HUNK: variants seen among roughly 807,000 people sequenced by gnomAD.
HUNK encodes the protein hormonally up-regulated Neu-associated kinase.
A neutral mutation model predicts 61.0 loss-of-function variants in HUNK; 21 were observed. The observed-to-expected ratio is 0.34, with a 90% CI of 0.24 to 0.50. HUNK has a LOEUF of 0.50. Among genes scored for constraint, HUNK ranks in the 20% least tolerant of loss-of-function variants. The pLI is 0.98. For missense variants in HUNK, 772 were observed against 945.7 expected, an observed-to-expected ratio of 0.82 and a Z score of 2.41; for synonymous variants, 371 against 386.1, an observed-to-expected ratio of 0.96 and a Z score of 0.46.
rs746851498 is a variant in HUNK, at chr21:31,924,689, C to A, written c.483C>A (p.Ser161=). 1.2e-6 allele frequency: 2 copies of A among 1,613,992 alleles called. No individual in the cohort carries two copies. Among genetic ancestry groups the A allele is most frequent in the Non-Finnish European group, 1.7e-6 (2 of 1,180,010 alleles). Residue 161 remains serine (S), a synonymous_variant, in exon 2 of 11, where the codon TCC becomes TCA. Coordinates refer to ENST00000270112, the MANE Select transcript of HUNK (RefSeq NM_014586.2). The surrounding 1 kb of genome is among the most constrained non-coding windows in gnomAD (Gnocchi z 5.1). ...ATGAGAAGAAGCGGCTGGAGGAGTC[C>A]GAAGCCCGCAGATACATCCGACAGC... ...KIYEKKRLEE[S]EARRYIRQLI...
chr21:31,980,440 G>A (rs12710415), intron 7 of HUNK, among the ~76,000 whole-genome samples: 16,647 of 149,188 alleles, frequency 0.11, 1,287 homozygotes, highest in Non-Finnish European at 0.18. Flanking sequence ...GCAGTGGCGC[G>A]ATCTTGGCTC....
rs1199714720 is a variant in HUNK, at chr21:31,999,270, G to T, written c.*86G>T. The T allele has an allele frequency of 4.0e-6, 5 of 1,247,568 alleles. No homozygotes were observed. Among genetic ancestry groups the T allele is most frequent in the Admixed American group, 4.6e-5 (2 of 43,752 alleles). The allele number at this position is 1,247,568 out of a possible 1,614,324, so 77.3% of individuals were successfully genotyped here. A position where few individuals can be genotyped will look rare whatever the true frequency, so the allele number is the denominator to read the frequency against. On this transcript the variant is annotated 3_prime_UTR_variant, in exon 11 of 11. Coordinates refer to ENST00000270112, the MANE Select transcript of HUNK (RefSeq NM_014586.2). ...TCTGTCAGGGTGTGAGCACTCCAAG[G>T]CCTCGCGTGGAGCATCCTTAGTCCC... is the stretch of plus-strand genomic sequence containing the variant.
rs147047451 is a variant in HUNK, at chr21:31,896,184, G to C, written c.261+22249G>C. 7.2e-3 allele frequency among the ~76,000 whole-genome samples: 1,096 copies of C among 152,302 alleles called. 6 individuals carry two copies. The highest frequency in any genetic ancestry group is 0.011 in the Non-Finnish European group (746 of 68,022). ...GCCTCCAGAACTGTGAGAAAATACA[G>C]TTCTGTTGTTGGAGCTGCCCAGTCT... is the stretch of plus-strand genomic sequence containing the variant. On this transcript the variant is annotated intron_variant, in intron 1 of 10. Transcript: ENST00000270112.
intron 10 of HUNK, 65 bp downstream of exon 10, chr21:31,996,013 T>TA: frequency 3.3e-6 from 4 of 1,220,960 alleles, no homozygotes; most frequent in Non-Finnish European, 4.6e-6. Context: ...TGTGTAGCCC[T>TA]CACAGGGGAT....
intron 1 of HUNK, among the ~76,000 whole-genome samples, chr21:31,889,123 C>T (rs1224692840): frequency 6.6e-6 from 1 of 152,154 alleles, no homozygotes; most frequent in African/African-American, 2.4e-5. Context: ...CCAGTCTCCT[C>T]GTTAAACCAT....
rs769145120 is a variant in HUNK, at chr21:31,873,756, C to A, written c.82C>A (p.Pro28Thr). The A allele has an allele frequency of 4.1e-6, 6 of 1,469,706 alleles. No individual in the cohort carries two copies. Among genetic ancestry groups the A allele is most frequent in the Non-Finnish European group, 3.6e-6 (4 of 1,111,290 alleles). 91.0% of individuals were successfully genotyped at this position (1,469,706 alleles called of 1,614,324 possible). Reference sequence around the variant, plus strand: ...CGGCGGCGCGGAGGACGCGGCCAGGCCCGCGGCGGCCTGCGAGGGAAGTTT... The same window carrying A: ...CGGCGGCGCGGAGGACGCGGCCAGGACCGCGGCGGCCTGCGAGGGAAGTTT... ...GGGGAEDAAR[P>T]AAACEGSFLP... Residue 28 changes from proline (P) to threonine (T), a missense_variant, in exon 1 of 11, where the codon CCC becomes ACC. By Grantham distance (38) the Pro-to-Thr change is conservative. Coordinates refer to ENST00000270112, the MANE Select transcript of HUNK (RefSeq NM_014586.2). This position sits in a 1 kb window ranked among gnomAD's most constrained non-coding sequence, Gnocchi z 6.1.
intron 2 of HUNK, among the ~76,000 whole-genome samples, chr21:31,932,891 C>T (rs79995450): frequency 0.014 from 2,188 of 151,276 alleles, 41 homozygotes; most frequent in African/African-American, 0.05. Flanking sequence ...ACCAACCCAT[C>T]CTCCTGCGCT....
At chr21:31,958,668 C>T (rs2052906258) in intron 4 of HUNK, among the ~76,000 whole-genome samples, 175 bp from the exon 5 acceptor site, 1 of 152,144 alleles carries the variant, frequency 6.6e-6, no homozygotes, top group African/African-American at 2.4e-5. Context: ...CCATGTCCGA[C>T]CTCACCCAAC....
chr21:31,913,376 C>A (rs75574734), intron 1 of HUNK, among the ~76,000 whole-genome samples: 4 of 151,356 alleles, frequency 2.6e-5, no homozygotes, highest in Non-Finnish European at 5.9e-5. Context: ...CAACTCTGCC[C>A]GAGGGATGAT....
At chr21:31,881,013 C>G (rs1441574066) in intron 1 of HUNK, among the ~76,000 whole-genome samples, 1 of 152,248 alleles carries the variant, frequency 6.6e-6, no homozygotes, top group Non-Finnish European at 1.5e-5. Context: ...CCGCATCGGC[C>G]AGTCCTTGAT....
chr21:31,992,224 C>T (rs2053176437), intron 9 of HUNK, among the ~76,000 whole-genome samples: 1 of 152,198 alleles, frequency 6.6e-6, no homozygotes, highest in Non-Finnish European at 1.5e-5. Flanking sequence ...GCACAGCCAT[C>T]AGGGAAGACT....
chr21:31,979,423 G>T (rs1411685176), intron 7 of HUNK, among the ~76,000 whole-genome samples: 1 of 129,088 alleles, frequency 7.7e-6, no homozygotes, highest in African/African-American at 2.8e-5. Flanking sequence ...GGCCCCTATT[G>T]GCCATTTCTA....
intron 5 of HUNK, among the ~76,000 whole-genome samples, chr21:31,965,113 A>G (rs769230987): frequency 6.6e-6 from 1 of 152,194 alleles, no homozygotes; most frequent in Admixed American, 6.5e-5. Context: ...GACATTCTGA[A>G]AAGCAGAGAT....
intron 5 of HUNK, among the ~76,000 whole-genome samples, chr21:31,960,909 T>C (rs1200885143): frequency 6.6e-6 from 1 of 152,170 alleles, no homozygotes; most frequent in African/African-American, 2.4e-5. Context: ...ACTGGGAAAT[T>C]AACATTGATA....
chr21:31,963,565 A>G (rs2052942771), intron 5 of HUNK, among the ~76,000 whole-genome samples: 1 of 152,178 alleles, frequency 6.6e-6, no homozygotes. Flanking sequence ...TGGCACAATC[A>G]TGGCTCACTG....
Position 31,924,668 on chromosome 21 carries a change from G to A in HUNK, c.462G>A (p.Glu154=), listed in dbSNP as rs2052647454. ...GCAACCTGATGCACAAGATCTATGA[G>A]AAGAAGCGGCTGGAGGAGTCCGAAG... ...PGGNLMHKIY[E]KKRLEESEAR... The change falls in exon 2 of 11, where the codon GAG becomes GAA. Residue 154 remains glutamate, a synonymous_variant. Transcript: ENST00000270112. This position sits in a 1 kb window ranked among gnomAD's most constrained non-coding sequence, Gnocchi z 5.1. 6.2e-7 allele frequency: 1 copy of A among 1,614,138 alleles called. No individual in the cohort carries two copies. The highest frequency in any genetic ancestry group is 8.5e-7 in the Non-Finnish European group (1 of 1,180,018).
intron 1 of HUNK, among the ~76,000 whole-genome samples, chr21:31,905,921 C>T (rs1339366954): frequency 6.6e-6 from 1 of 152,078 alleles, no homozygotes; most frequent in Admixed American, 6.6e-5. Flanking sequence ...CACTAGCGGG[C>T]CTGGGGCTGG....
chr21:31,939,340 G>A (rs1393136708), intron 2 of HUNK, among the ~76,000 whole-genome samples: 1 of 149,266 alleles, frequency 6.7e-6, no homozygotes, highest in East Asian at 2.0e-4. Flanking sequence ...AGTTTGTTAT[G>A]ACCCTTGGGC....
At chr21:31,899,847 G>A (rs1185942670) in intron 1 of HUNK, among the ~76,000 whole-genome samples, 1 of 151,454 alleles carries the variant, frequency 6.6e-6, no homozygotes, top group Non-Finnish European at 1.5e-5. Context: ...GTGCGTTCTT[G>A]GCTCACTACA....
Sources: allele counts gnomAD v4.1 joint callset (sites outside exome capture counted in the v4.1 genomes callset), GRCh38; gene constraint gnomAD v4.1.1; non-coding constraint Gnocchi (gnomAD v3.1); transcripts MANE v1.5; gene names NCBI Gene and HGNC (gene_info 2026-07-23, HGNC 2026-07-21).